DZIP3: variants seen among roughly 807,000 people sequenced by gnomAD.
DZIP3 encodes E3 ubiquitin-protein ligase DZIP3.
Under a neutral mutation model 162.0 loss-of-function variants are expected in DZIP3, and 118 were observed. The ratio of observed to expected loss-of-function variants is 0.73; its 90% CI spans 0.63 to 0.85. The LOEUF (loss-of-function observed/expected upper bound fraction) is 0.85. DZIP3 is among the 40% of genes least tolerant of loss of function. DZIP3 has a pLI of 0.00. For synonymous variants in DZIP3, 438 were observed against 458.6 expected (o/e 0.96, Z 0.57); for missense variants, 1,331 against 1,407.0 (o/e 0.95, Z 0.86).
intron 26 of DZIP3, among the ~76,000 whole-genome samples, chr3:108,678,309 A>G (rs1222409977): frequency 1.3e-5 from 2 of 151,974 alleles, no homozygotes; most frequent in Non-Finnish European, 2.9e-5. Context: ...CTAGAAATAA[A>G]GTGCACAATA....
At chr3:108,631,055 A>ACACACACACACACCCT in intron 8 of DZIP3, among the ~76,000 whole-genome samples, 1 of 18,006 alleles carries the variant, frequency 5.6e-5, no homozygotes, top group Non-Finnish European at 9.0e-5. Flanking sequence ...ACACACACAC[A>ACACACACACACACCCT]CTCTCTCTCT....
At chr3:108,689,302 T>C (rs1944606913) in intron 31 of DZIP3, among the ~76,000 whole-genome samples, 1 of 152,208 alleles carries the variant, frequency 6.6e-6, no homozygotes, top group Admixed American at 6.5e-5. Flanking sequence ...CCATAATTAA[T>C]GACAGCCCCC....
At chr3:108,687,156 C>T (rs1021455282) in intron 28 of DZIP3, among the ~76,000 whole-genome samples, 1 of 151,962 alleles carries the variant, frequency 6.6e-6, no homozygotes, top group Non-Finnish European at 1.5e-5. Flanking sequence ...TTCTACTTTT[C>T]ACAAGTATTT....
intron 28 of DZIP3, 92 bp from the exon 29 acceptor site, chr3:108,687,884 G>A: frequency 6.5e-7 from 1 of 1,531,224 alleles, no homozygotes; most frequent in Non-Finnish European, 8.9e-7. Flanking sequence ...TATCAATCAT[G>A]CGATAGGATT....
chr3:108,602,955 T>A lies in DZIP3; in HGVS notation c.-72-2380T>A, dbSNP rs572241409. 7.2e-5 allele frequency: 11 copies of A among 152,348 alleles called. No individual in the cohort carries two copies. The South Asian group carries it at 2.3e-3, about 32-fold the overall frequency. 9.4% of individuals were successfully genotyped at this position (152,348 alleles called of 1,614,324 possible). A position where few individuals can be genotyped will look rare whatever the true frequency, so the allele number is the denominator to read the frequency against. On this transcript the variant is annotated intron_variant, in intron 1 of 32. Transcript: ENST00000361582. ...AAAGCCCTAGCCTTTCTTAACTCTG[T>A]TAATTCGGGATCCAAGTATCTTTTT...
In DZIP3 at chr3:108,637,514, G is replaced by T. The variant is rs765181140; in HGVS notation, c.1030G>T (p.Asp344Tyr). The change falls in exon 12 of 33, where the codon GAT becomes TAT. Residue 344 changes from aspartate (D) to tyrosine (Y), a missense_variant. Transcript: ENST00000361582. ...CTTGCAGTTTGAAGTTGTGAGAAAG[G>T]ATGAATATATCACCATTGAAAATTT... is the stretch of plus-strand genomic sequence containing the variant. ...VKILFEVVRK[D>Y]EYITIENLGA... 1 of 1,610,772 alleles carries T rather than the reference G, an allele frequency of 6.2e-7. No homozygotes were observed. The highest frequency in any genetic ancestry group is 2.2e-5 in the East Asian group (1 of 44,582).
chr3:108,662,178 C>G lies in DZIP3; in HGVS notation c.2344C>G (p.Gln782Glu). The change falls in exon 21 of 33, where the codon CAA (glutamine) becomes GAA (glutamate). Residue 782 changes from glutamine (Q) to glutamate (E), a missense_variant. Physicochemically the swap from Gln to Glu is conservative, Grantham distance 29. This residue lies in a region of DZIP3 where 1,278 missense variants were observed against 1,317.1 expected (regional missense o/e 0.97). Coordinates refer to ENST00000361582, the MANE Select transcript of DZIP3 (RefSeq NM_014648.4). ...RTVTFRWQENQMQIKKKDKII... is the reference protein window; with the variant it reads ...RTVTFRWQENEMQIKKKDKII... ...AGTGACTTTTCGGTGGCAAGAAAAC[C>G]AAATGCAGATTAAAAAGAAAGACAA... The G allele has an allele frequency of 6.2e-7, 1 of 1,609,192 alleles. No individual in the cohort carries two copies. Among genetic ancestry groups the G allele is most frequent in the Non-Finnish European group, 8.5e-7 (1 of 1,178,712 alleles).
rs1303024557 is a variant in DZIP3 at position 108,611,176 on chromosome 3, C to T, written c.105C>T (p.Asn35=). 1.9e-6 allele frequency: 3 copies of T among 1,583,356 alleles called. No individual in the cohort carries two copies. Among genetic ancestry groups the T allele is most frequent in the Admixed American group, 4.0e-5 (2 of 49,824 alleles). The stretch of plus-strand genomic sequence containing the variant: ...TTTTAATCAATAATGTCTTCTAGAA[C>T]AAACAGGAAAATGACATACCTACTG... ...NKLEKSSGQL[N]KQENDIPTDL... Residue 35 remains asparagine (N), a splice_region_variant and synonymous_variant, in exon 4 of 33, where the codon AAC becomes AAT. Coordinates refer to ENST00000361582, the MANE Select transcript of DZIP3 (RefSeq NM_014648.4).
Position 108,672,111 on chromosome 3 carries a change from C to T in DZIP3, c.2493-449C>T, listed in dbSNP as rs879592633. Among the ~76,000 whole-genome samples the T allele has an allele frequency of 1.2e-4, 19 of 152,066 alleles. No individual in the cohort carries two copies. The East Asian group carries it at 1.7e-3, about 14-fold the overall frequency. Reference sequence around the variant, plus strand: ...AGGCAGGCAAGGAAGCTCTCTCAGGCCTTTTTCAAATGGGCATTAATTCCA... The same window carrying T: ...AGGCAGGCAAGGAAGCTCTCTCAGGTCTTTTTCAAATGGGCATTAATTCCA... On this transcript the variant is annotated intron_variant, in intron 22 of 32. Transcript: ENST00000361582.
chr3:108,605,487 G>C, intron 2 of DZIP3, 49 bp downstream of exon 2: 2 of 1,594,400 alleles, frequency 1.3e-6, no homozygotes, highest in Non-Finnish European at 1.7e-6. Context: ...TGGTTTCGTG[G>C]AAAACAATTT....
At chr3:108,625,820 C>T (rs1941564734) in intron 6 of DZIP3, 25 bp from the exon 7 acceptor site, 2 of 1,545,372 alleles carry the variant, frequency 1.3e-6, no homozygotes, top group Admixed American at 4.2e-5. Flanking sequence ...TTACAGTAGC[C>T]AAACCTAGTT....
At position 108,688,754 on chromosome 3, in the gene DZIP3, G is replaced by T. The variant is rs1307604945; in HGVS notation, c.3414+18G>T. 1.2e-6 allele frequency: 2 copies of T among 1,613,434 alleles called. No individual in the cohort carries two copies. Among genetic ancestry groups the T allele is most frequent in the Admixed American group, 1.7e-5 (1 of 59,900 alleles). ...GTAATCCAGTGAGACTGAAATTTTT[G>T]ATTCTGAACACATTTAGATTTGGGA... On this transcript the variant is annotated intron_variant, in intron 30 of 32. Coordinates refer to ENST00000361582, the MANE Select transcript of DZIP3 (RefSeq NM_014648.4).
At chr3:108,691,386 A>G (rs1352033852) in intron 32 of DZIP3, 3 of 151,388 alleles carry the variant, frequency 2.0e-5, no homozygotes, top group Non-Finnish European at 4.4e-5. Context: ...TATAATAATA[A>G]TAAAAGAAAA....
chr3:108,618,971 G>C (rs1323911613), intron 5 of DZIP3, among the ~76,000 whole-genome samples: 1 of 143,392 alleles, frequency 7.0e-6, no homozygotes, highest in African/African-American at 2.6e-5. Context: ...TGAGGCAGGA[G>C]AATCAATTGA....
intron 1 of DZIP3, among the ~76,000 whole-genome samples, chr3:108,597,034 T>C (rs1376892731): frequency 1.3e-5 from 2 of 152,214 alleles, no homozygotes; most frequent in Non-Finnish European, 2.9e-5. Context: ...TTCTACCCCT[T>C]ATGCAGAGTC....
chr3:108,664,563 AC>A, intron 21 of DZIP3, among the ~76,000 whole-genome samples: 1 of 152,346 alleles, frequency 6.6e-6, no homozygotes, highest in African/African-American at 2.4e-5. Flanking sequence ...CCAGTCTGAG[AC>A]AAAACTAGTC....
intron 5 of DZIP3, among the ~76,000 whole-genome samples, chr3:108,619,867 A>G (rs1026720052): frequency 1.3e-5 from 2 of 151,972 alleles, no homozygotes; most frequent in Non-Finnish European, 2.9e-5. Flanking sequence ...CAGTTTCCCT[A>G]AATAGTTACA....
intron 8 of DZIP3, among the ~76,000 whole-genome samples, chr3:108,632,025 C>T (rs1941913161): frequency 6.6e-6 from 1 of 151,984 alleles, no homozygotes; most frequent in African/African-American, 2.4e-5. Flanking sequence ...ACTTTGTCCT[C>T]CTACATTGAG....
intron 12 of DZIP3, among the ~76,000 whole-genome samples, chr3:108,638,299 T>A (rs1942247013): frequency 8.4e-6 from 1 of 118,580 alleles, no homozygotes; most frequent in Non-Finnish European, 1.7e-5. Context: ...TTTTAAAAAG[T>A]CCTATCAATT....
Sources: gnomAD v4.1 joint callset for allele counts (sites outside exome capture counted in the v4.1 genomes callset) on GRCh38, gnomAD v4.1.1 for gene constraint, gnomAD v4.1.1 regional missense constraint, MANE v1.5 for transcripts, NCBI Gene and HGNC (gene_info 2026-07-23, HGNC 2026-07-21) for gene names.